The following COBL variants were observed in gnomAD, a reference collection of about 807,000 sequenced individuals.
COBL encodes protein cordon-bleu.
In COBL, 51 loss-of-function variants were observed where a neutral mutation model predicts 98.8. The observed-to-expected ratio is 0.52, with a 90% CI of 0.41 to 0.65. COBL has a LOEUF of 0.65. Ranked by LOEUF, COBL falls within the 30% of genes least tolerant of loss-of-function variation. The pLI is 0.00. For missense variants in COBL, 1,617 were observed against 1,617.5 expected, an observed-to-expected ratio of 1.00 and a Z score of 0.01; for synonymous variants, 634 against 651.7, an observed-to-expected ratio of 0.97 and a Z score of 0.41.
chr7:51,278,573 T>C (rs1487047030), intron 1 of COBL, among the ~76,000 whole-genome samples: 1 of 151,620 alleles, frequency 6.6e-6, no homozygotes, highest in Non-Finnish European at 1.5e-5. Flanking sequence ...AGAGTCGGGG[T>C]TTCACCATGT....
At chr7:51,183,643 C>G (rs1379277871) in intron 5 of COBL, among the ~76,000 whole-genome samples, 1 of 152,200 alleles carries the variant, frequency 6.6e-6, no homozygotes. Flanking sequence ...AAATTACTAG[C>G]AAGAAGACAA....
At chr7:51,049,326 G>A (rs998209690) in intron 7 of COBL, among the ~76,000 whole-genome samples, 8 of 152,172 alleles carry the variant, frequency 5.3e-5, no homozygotes, top group Non-Finnish European at 8.8e-5. Flanking sequence ...TGGGTGAGGG[G>A]TATGTCTGTC....
chr7:51,203,624 A>G (rs1791378442), intron 2 of COBL, among the ~76,000 whole-genome samples: 1 of 152,062 alleles, frequency 6.6e-6, no homozygotes, highest in South Asian at 2.1e-4. Flanking sequence ...TCATCCCTAA[A>G]AAAAAAGAAA....
At chr7:51,104,992 T>C (rs923267050) in intron 6 of COBL, among the ~76,000 whole-genome samples, 1 of 151,928 alleles carries the variant, frequency 6.6e-6, no homozygotes, top group Admixed American at 6.6e-5. Flanking sequence ...AATTTTGTTA[T>C]TGGGAAATCG....
At chr7:51,262,735 C>T (rs554238899) in intron 1 of COBL, among the ~76,000 whole-genome samples, 107 of 152,262 alleles carry the variant, frequency 7.0e-4, no homozygotes, top group African/African-American at 2.5e-3. Context: ...AACCAGGGGC[C>T]GGTTGGTCCC....
intron 1 of COBL, among the ~76,000 whole-genome samples, chr7:51,286,783 T>C (rs1395595723): frequency 2.6e-5 from 4 of 152,154 alleles, no homozygotes; most frequent in African/African-American, 9.7e-5. Flanking sequence ...AAAGAAACCA[T>C]TGTGCCAAAA....
intron 2 of COBL, among the ~76,000 whole-genome samples, chr7:51,197,915 G>T (rs1432930812): frequency 6.6e-6 from 1 of 152,144 alleles, no homozygotes; most frequent in Non-Finnish European, 1.5e-5. Context: ...GTCACTGCAT[G>T]TAAGACAGGT....
intron 6 of COBL, among the ~76,000 whole-genome samples, chr7:51,116,168 T>C (rs1797255753): frequency 6.6e-6 from 1 of 152,076 alleles, no homozygotes; most frequent in Non-Finnish European, 1.5e-5. Flanking sequence ...ACTGGAGTGT[T>C]TAGTCTGTTA....
intron 2 of COBL, among the ~76,000 whole-genome samples, chr7:51,214,190 T>C (rs1792778626): frequency 6.6e-6 from 1 of 151,796 alleles, no homozygotes; most frequent in African/African-American, 2.4e-5. Context: ...CACTTGAACC[T>C]CGGAGGCAGA....
chr7:51,223,067 C>T (rs1169192733), intron 1 of COBL, among the ~76,000 whole-genome samples: 2 of 152,234 alleles, frequency 1.3e-5, no homozygotes, highest in African/African-American at 4.8e-5. Flanking sequence ...TCCACCCTTC[C>T]CTCCACAGTG....
At chr7:51,263,036 TG>T (rs1398596342) in intron 1 of COBL, among the ~76,000 whole-genome samples, 1 of 152,126 alleles carries the variant, frequency 6.6e-6, no homozygotes, top group Non-Finnish European at 1.5e-5. Flanking sequence ...CTGACATCAG[TG>T]GGGCCCTGAC....
At chr7:51,186,216 A>G (rs1789488012) in intron 4 of COBL, among the ~76,000 whole-genome samples, 1 of 152,148 alleles carries the variant, frequency 6.6e-6, no homozygotes, top group South Asian at 2.1e-4. Context: ...ATTGAGTGGT[A>G]TGTGACATGG....
chr7:51,090,737 A>C (rs55962174), intron 6 of COBL, among the ~76,000 whole-genome samples: 10,666 of 152,288 alleles, frequency 0.07, 432 homozygotes, highest in Middle Eastern at 0.17. Flanking sequence ...AAGTACATGC[A>C]ATGTTCTGGA....
chr7:51,214,272 AAAATAAAT>A (rs34766805), intron 2 of COBL, among the ~76,000 whole-genome samples: 2,360 of 140,254 alleles, frequency 0.017, 28 homozygotes, highest in African/African-American at 0.036. Context: ...TCATCTATTA[AAAATAAAT>A]AAATAAATAA....
At chr7:51,284,283 A>T (rs1217732796) in intron 1 of COBL, among the ~76,000 whole-genome samples, 2 of 151,916 alleles carry the variant, frequency 1.3e-5, no homozygotes, top group African/African-American at 4.8e-5. Context: ...CCTGGGCAAC[A>T]GAGCAAGACT....
At position 51,284,270 on chromosome 7, in the gene COBL, C is replaced by T. The variant is rs187774184; in HGVS notation, c.41+32323G>A. ...GAGCAGAGATTGCGCCACTGCACTC[C>T]AGCCTGGGCAACAGAGCAAGACTCC... is the stretch of plus-strand genomic sequence containing the variant. On this transcript the variant is annotated intron_variant, in intron 1 of 12. Coordinates refer to ENST00000265136, the MANE Select transcript of COBL (RefSeq NM_015198.5). 2.6e-3 allele frequency among the ~76,000 whole-genome samples: 387 copies of T among 151,254 alleles called. 2 individuals carry two copies. The highest frequency in any genetic ancestry group is 9.1e-3 in the African/African-American group (375 of 41,164).
intron 6 of COBL, among the ~76,000 whole-genome samples, chr7:51,086,358 GAAAAAAAAAAAAAA>G (rs57609497): frequency 1.5e-4 from 11 of 74,834 alleles, no homozygotes; most frequent in African/African-American, 5.0e-4. Context: ...CTGTGTCTCA[GAAAAAAAAAAAAAA>G]AAAAAAAAAA....
At chr7:51,183,474 C>A (rs1789186426) in intron 5 of COBL, among the ~76,000 whole-genome samples, 2 of 152,028 alleles carry the variant, frequency 1.3e-5, no homozygotes, top group Admixed American at 6.6e-5. Flanking sequence ...TTATAAAAAT[C>A]TTCATTTTTA....
At chr7:51,159,471 C>CGG (rs1786560918) in intron 5 of COBL, among the ~76,000 whole-genome samples, 1 of 152,234 alleles carries the variant, frequency 6.6e-6, no homozygotes, top group Non-Finnish European at 1.5e-5. Context: ...TTCTCACCTT[C>CGG]TCTGGTCTCT....
Sources: gnomAD v4.1 joint callset for allele counts (sites outside exome capture counted in the v4.1 genomes callset) on GRCh38, gnomAD v4.1.1 for gene constraint, MANE v1.5 for transcripts, NCBI Gene and HGNC (gene_info 2026-07-23, HGNC 2026-07-21) for gene names.